Variants in GRIN2B observed in about 807,000 individuals in gnomAD.
The protein encoded by GRIN2B is glutamate receptor ionotropic, NMDA 2B.
A neutral mutation model predicts 114.5 loss-of-function variants in GRIN2B; 5 were observed. That is an observed-to-expected ratio of 0.04 (90% CI 0.02 to 0.09). The LOEUF is 0.09. GRIN2B is among the 10% of genes least tolerant of loss of function. The probability of loss-of-function intolerance (pLI) is 1.00; values close to 1 mark genes in which losing one functional copy is unlikely to be tolerated. For missense variants in GRIN2B, 1,108 were observed against 1,943.5 expected (o/e 0.57, Z 8.08); for synonymous variants, 787 against 745.1 (o/e 1.06, Z -0.92).
At chr12:13,896,577 T>C (rs1866359220) in intron 2 of GRIN2B, among the ~76,000 whole-genome samples, 1 of 152,192 alleles carries the variant, frequency 6.6e-6, no homozygotes, top group South Asian at 2.1e-4. Context: ...TACATGGCAA[T>C]GATCTCCTTA....
In GRIN2B at chr12:13,655,639, A is replaced by G. The variant is rs567019916; in HGVS notation, c.1125+20106T>C. 8.3e-4 allele frequency among the ~76,000 whole-genome samples: 127 copies of G among 152,244 alleles called. 1 individual carries two copies. Among genetic ancestry groups the G allele is most frequent in the African/African-American group, 2.9e-3 (122 of 41,558 alleles). On this transcript the variant is annotated intron_variant, in intron 5 of 13. Transcript: ENST00000609686. Reference sequence around the variant, plus strand: ...CATTGACTAGCTGTGTCCTTCAGAAAGTCACTAAACCTCTCTGGGCCTCAT... The same window carrying G: ...CATTGACTAGCTGTGTCCTTCAGAAGGTCACTAAACCTCTCTGGGCCTCAT...
At chr12:13,830,673 A>G (rs1865129182) in intron 3 of GRIN2B, among the ~76,000 whole-genome samples, 2 of 152,208 alleles carry the variant, frequency 1.3e-5, no homozygotes, top group African/African-American at 4.8e-5. Flanking sequence ...CTCCCCAGCT[A>G]AGAAACTAAG....
intron 5 of GRIN2B, among the ~76,000 whole-genome samples, chr12:13,668,444 T>C (rs1949996711): frequency 6.6e-6 from 1 of 152,152 alleles, no homozygotes; most frequent in Non-Finnish European, 1.5e-5. Context: ...GTTGAGACTT[T>C]AGGGATTAAC....
chr12:13,854,458 C>G (rs1289489562), intron 3 of GRIN2B, among the ~76,000 whole-genome samples: 2 of 152,014 alleles, frequency 1.3e-5, no homozygotes, highest in Non-Finnish European at 2.9e-5. Context: ...TGCAGTGAGC[C>G]GAGATAGTGC....
At chr12:13,611,663 C>A in intron 9 of GRIN2B, 62 bp downstream of exon 9, 1 of 1,523,528 alleles carries the variant, frequency 6.6e-7, no homozygotes. Flanking sequence ...AATGAGGAGT[C>A]CAGAGATTTG....
intron 3 of GRIN2B, among the ~76,000 whole-genome samples, chr12:13,819,945 G>A (rs1864901734): frequency 1.3e-5 from 2 of 152,100 alleles, no homozygotes; most frequent in South Asian, 4.1e-4. Flanking sequence ...TTCCTGCACT[G>A]GGGTTTCATT....
intron 3 of GRIN2B, among the ~76,000 whole-genome samples, chr12:13,791,383 C>T (rs375541849): frequency 6.4e-4 from 95 of 149,350 alleles, no homozygotes; most frequent in African/African-American, 2.2e-3. Context: ...ACCCGGGAGG[C>T]GGAGCTTGCA....
chr12:13,593,880 T>C (rs1226131874), intron 10 of GRIN2B, among the ~76,000 whole-genome samples: 1 of 152,088 alleles, frequency 6.6e-6, no homozygotes, highest in Non-Finnish European at 1.5e-5. Context: ...AACAGACACT[T>C]ATTAAAAGAA....
At chr12:13,829,485 C>T (rs770173198) in intron 3 of GRIN2B, among the ~76,000 whole-genome samples, 13 of 152,176 alleles carry the variant, frequency 8.5e-5, no homozygotes, top group Admixed American at 5.2e-4. Flanking sequence ...GAGCCCTTAA[C>T]GTTGCCACTG....
intron 4 of GRIN2B, among the ~76,000 whole-genome samples, chr12:13,689,540 C>CATAT (rs1204796375): frequency 6.6e-5 from 10 of 152,102 alleles, no homozygotes; most frequent in African/African-American, 2.2e-4. Flanking sequence ...CTAGACCAGG[C>CATAT]ATATATCCAC....
chr12:13,789,023 G>A (rs1278968061), intron 3 of GRIN2B, among the ~76,000 whole-genome samples: 1 of 152,130 alleles, frequency 6.6e-6, no homozygotes, highest in African/African-American at 2.4e-5. Flanking sequence ...GTCAGCTCTA[G>A]CTAAACCTCT....
At position 13,559,415 on chromosome 12, in the gene GRIN2B, T is replaced by C. The variant is rs1299776600; in HGVS notation, c.*3368A>G. 2.0e-5 allele frequency: 3 copies of C among 152,144 alleles called. No individual in the cohort carries two copies. Among genetic ancestry groups the C allele is most frequent in the Non-Finnish European group, 4.4e-5 (3 of 68,040 alleles). The allele number at this position is 152,144 out of a possible 1,614,324, so 9.4% of individuals were successfully genotyped here. A position where few individuals can be genotyped will look rare whatever the true frequency, so the allele number is the denominator to read the frequency against. On this transcript the variant is annotated 3_prime_UTR_variant, in exon 14 of 14. Transcript: ENST00000609686. ...CTGCCAACCTCCACAAAGCCAACAGTCTAGGAAAAGAAGTTCTATTTGTCT... is the reference window on the plus strand; with the variant it reads ...CTGCCAACCTCCACAAAGCCAACAGCCTAGGAAAAGAAGTTCTATTTGTCT...
chr12:13,628,051 T>C (rs1458884703), intron 5 of GRIN2B, among the ~76,000 whole-genome samples: 1 of 152,148 alleles, frequency 6.6e-6, no homozygotes, highest in Non-Finnish European at 1.5e-5. Flanking sequence ...TTTTTACCAC[T>C]CCTCTATGCC....
At chr12:13,956,032 G>T (rs1867584658) in intron 2 of GRIN2B, among the ~76,000 whole-genome samples, 1 of 152,180 alleles carries the variant, frequency 6.6e-6, no homozygotes, top group African/African-American at 2.4e-5. Flanking sequence ...ATATGGGAAG[G>T]CTTCCTAGAG....
chr12:13,792,771 T>TACA (rs1864342549), intron 3 of GRIN2B, among the ~76,000 whole-genome samples: 1 of 6,936 alleles, frequency 1.4e-4, no homozygotes, highest in African/African-American at 1.6e-4. Flanking sequence ...CCACTGCAAT[T>TACA]AGAACAGGAA....
intron 3 of GRIN2B, among the ~76,000 whole-genome samples, chr12:13,846,602 G>GA (rs1428459563): frequency 1.3e-5 from 2 of 152,126 alleles, no homozygotes; most frequent in African/African-American, 4.8e-5. Flanking sequence ...GGATCTATGT[G>GA]AAAAAGCAAT....
chr12:13,746,889 C>A (rs1309731694), intron 4 of GRIN2B, among the ~76,000 whole-genome samples: 1 of 152,202 alleles, frequency 6.6e-6, no homozygotes, highest in Non-Finnish European at 1.5e-5. Flanking sequence ...CCACCTTCCA[C>A]CATGAGTGGA....
At chr12:13,592,116 A>G (rs925260872) in intron 10 of GRIN2B, among the ~76,000 whole-genome samples, 12 of 152,200 alleles carry the variant, frequency 7.9e-5, no homozygotes, top group African/African-American at 2.7e-4. Flanking sequence ...CACTTGCTCA[A>G]TGATTCTAGT....
chr12:13,650,648 A>G (rs889215739), intron 5 of GRIN2B, among the ~76,000 whole-genome samples: 2 of 152,090 alleles, frequency 1.3e-5, no homozygotes, highest in African/African-American at 4.8e-5. Context: ...AGTAACTCCT[A>G]ATCCATCTTC....
Sources: allele counts gnomAD v4.1 joint callset (sites outside exome capture counted in the v4.1 genomes callset), GRCh38; gene constraint gnomAD v4.1.1; transcripts MANE v1.5; gene names NCBI Gene and HGNC (gene_info 2026-07-23, HGNC 2026-07-21).